CTNNA2: variants seen among roughly 807,000 people sequenced by gnomAD.
CTNNA2 encodes the protein catenin alpha-2.
In CTNNA2, 42 loss-of-function variants were observed where a neutral mutation model predicts 101.0. The ratio of observed to expected loss-of-function variants is 0.42; its 90% CI spans 0.32 to 0.54. The LOEUF (loss-of-function observed/expected upper bound fraction) is 0.54. CTNNA2 is among the 20% of genes least tolerant of loss of function. The pLI, the probability that CTNNA2 is intolerant of heterozygous loss-of-function variation, is 0.14. For synonymous variants in CTNNA2, 450 were observed against 456.4 expected (o/e 0.99, Z 0.18); for missense variants, 871 against 1,223.1 (o/e 0.71, Z 4.29).
At chr2:80,183,534 C>G (rs1705923194) in intron 7 of CTNNA2, among the ~76,000 whole-genome samples, 1 of 152,112 alleles carries the variant, frequency 6.6e-6, no homozygotes, top group Admixed American at 6.5e-5. Flanking sequence ...TGGTCTTTAT[C>G]TGTGTTTTGA....
chr2:79,352,891 T>C (rs1370050684), intron 3 of CTNNA2, among the ~76,000 whole-genome samples: 4 of 152,150 alleles, frequency 2.6e-5, no homozygotes, highest in African/African-American at 4.8e-5. Context: ...TCAGAAAACT[T>C]ACAATCATGG....
intron 3 of CTNNA2, among the ~76,000 whole-genome samples, chr2:79,790,697 T>C (rs1675204692): frequency 6.6e-6 from 1 of 152,200 alleles, no homozygotes; most frequent in Non-Finnish European, 1.5e-5. Flanking sequence ...CTACCAGTTA[T>C]ACCTATCATT....
intron 1 of CTNNA2, among the ~76,000 whole-genome samples, chr2:79,550,106 A>C (rs951999469): frequency 6.6e-6 from 1 of 152,138 alleles, no homozygotes; most frequent in Non-Finnish European, 1.5e-5. Context: ...GGGCACAATA[A>C]TGTTTCAGTT....
At chr2:79,448,757 A>T (rs1678858769) in intron 4 of CTNNA2, among the ~76,000 whole-genome samples, 1 of 152,056 alleles carries the variant, frequency 6.6e-6, no homozygotes, top group Non-Finnish European at 1.5e-5. Flanking sequence ...TGGCTGCTCA[A>T]AGACACATAT....
chr2:80,559,514 C>T (rs181083129), intron 12 of CTNNA2, among the ~76,000 whole-genome samples: 1 of 152,304 alleles, frequency 6.6e-6, no homozygotes, highest in East Asian at 1.9e-4. Context: ...TTAGTAAAGA[C>T]AGTGCTTTGC....
chr2:79,540,732 G>A (rs1673355234), intron 1 of CTNNA2, among the ~76,000 whole-genome samples: 1 of 152,174 alleles, frequency 6.6e-6, no homozygotes. Flanking sequence ...TATTAATGAA[G>A]TCGCTTATAC....
chr2:79,641,336 A>T (rs569107891), intron 1 of CTNNA2, among the ~76,000 whole-genome samples: 1 of 152,342 alleles, frequency 6.6e-6, no homozygotes, highest in African/African-American at 2.4e-5. Flanking sequence ...ATATATAGTT[A>T]TTGCACAAGA....
chr2:80,616,712 G>T (rs143757542), intron 17 of CTNNA2, among the ~76,000 whole-genome samples: 54 of 151,720 alleles, frequency 3.6e-4, no homozygotes, highest in African/African-American at 1.3e-3. Context: ...TTGGAGTAGA[G>T]CTTAGTTTTC....
At chr2:79,815,853 A>G (rs1056114506) in intron 3 of CTNNA2, among the ~76,000 whole-genome samples, 4 of 151,932 alleles carry the variant, frequency 2.6e-5, no homozygotes, top group Admixed American at 2.6e-4. Flanking sequence ...TTTTGGCAGT[A>G]TGGTCATTTT....
chr2:80,196,641 A>C (rs1706849242), intron 7 of CTNNA2, among the ~76,000 whole-genome samples: 1 of 152,220 alleles, frequency 6.6e-6, no homozygotes. Flanking sequence ...CCTGCTGAAA[A>C]GTTTTACCTA....
At chr2:80,094,752 T>G (rs2148826483) in intron 7 of CTNNA2, among the ~76,000 whole-genome samples, 1 of 152,328 alleles carries the variant, frequency 6.6e-6, no homozygotes, top group Admixed American at 6.5e-5. Context: ...CTAGGTATTT[T>G]ATTCTCTTTG....
chr2:79,928,102 T>A (rs1449508333), intron 7 of CTNNA2, among the ~76,000 whole-genome samples: 1 of 152,202 alleles, frequency 6.6e-6, no homozygotes, highest in Non-Finnish European at 1.5e-5. Context: ...TATTCTTTAA[T>A]TGTACCTTTT....
chr2:79,397,983 T>C (rs1678250716), intron 4 of CTNNA2, among the ~76,000 whole-genome samples: 1 of 152,150 alleles, frequency 6.6e-6, no homozygotes, highest in Admixed American at 6.6e-5. Flanking sequence ...GATGAATAAA[T>C]AGATGGACGA....
intron 7 of CTNNA2, among the ~76,000 whole-genome samples, chr2:79,976,098 T>C (rs2104588630): frequency 6.6e-6 from 1 of 152,280 alleles, no homozygotes; most frequent in Admixed American, 6.5e-5. Context: ...CTCTGGAAAT[T>C]CTAAGGGTTT....
At chr2:79,353,452 G>A (rs1294832085) in intron 3 of CTNNA2, among the ~76,000 whole-genome samples, 1 of 152,050 alleles carries the variant, frequency 6.6e-6, no homozygotes, top group Non-Finnish European at 1.5e-5. Context: ...GGAGAGAATT[G>A]TTTTTTGTTT....
chr2:80,524,811 TTGG>T (rs1689886331), intron 9 of CTNNA2, among the ~76,000 whole-genome samples: 1 of 152,186 alleles, frequency 6.6e-6, no homozygotes, highest in Admixed American at 6.5e-5. Flanking sequence ...CTCCACCCAC[TTGG>T]TGGTCCCACT....
intron 18 of CTNNA2, among the ~76,000 whole-genome samples, chr2:80,643,734 G>A (rs1016116263): frequency 6.6e-6 from 1 of 152,094 alleles, no homozygotes; most frequent in Non-Finnish European, 1.5e-5. Context: ...TAGTATAAAT[G>A]TGCTTCAGAA....
chr2:79,641,071 C>T (rs950299540), intron 1 of CTNNA2, among the ~76,000 whole-genome samples: 6 of 152,074 alleles, frequency 3.9e-5, no homozygotes, highest in African/African-American at 1.4e-4. Flanking sequence ...ATACCCTGAT[C>T]GGAGTAGAAG....
At chr2:79,437,232 C>CAAAAAAA (rs70940035) in intron 4 of CTNNA2, among the ~76,000 whole-genome samples, 1 of 140,420 alleles carries the variant, frequency 7.1e-6, no homozygotes, top group Non-Finnish European at 1.5e-5. Context: ...GAAACTGTCT[C>CAAAAAAA]AAAAAAAAAA....
Sources: gnomAD v4.1 joint callset for allele counts (sites outside exome capture counted in the v4.1 genomes callset) on GRCh38, gnomAD v4.1.1 for gene constraint, MANE v1.5 for transcripts, NCBI Gene and HGNC (gene_info 2026-07-23, HGNC 2026-07-21) for gene names.